Variants in RBMS1 observed in about 807,000 individuals in gnomAD.
RBMS1 encodes the protein RNA-binding motif, single-stranded-interacting protein 1.
A neutral mutation model predicts 62.3 loss-of-function variants in RBMS1; 17 were observed. That is an observed-to-expected ratio of 0.27 (90% CI 0.19 to 0.41). RBMS1 has a LOEUF of 0.41. Ranked by LOEUF, RBMS1 falls within the 10% of genes least tolerant of loss-of-function variation. The pLI is 1.00. For synonymous variants in RBMS1, 172 were observed against 170.0 expected (o/e 1.01, Z -0.09); for missense variants, 334 against 504.5 (o/e 0.66, Z 3.24).
chr2:160,445,996 CA>C (rs564694189), intron 1 of RBMS1, among the ~76,000 whole-genome samples: 1,519 of 143,144 alleles, frequency 0.011, 9 homozygotes, highest in Middle Eastern at 0.05. Flanking sequence ...CCATCAGCTC[CA>C]AAAAAAAAAA....
chr2:160,278,658 C>T lies in RBMS1; in HGVS notation c.952G>A (p.Gly318Ser), dbSNP rs1202184484. 1 of 1,604,218 alleles carries T rather than the reference C, an allele frequency of 6.2e-7. No homozygotes were observed. The highest frequency in any genetic ancestry group is 1.1e-5 in the South Asian group (1 of 89,922). The change falls in exon 11 of 14, where the codon GGT becomes AGT. Residue 318 changes from glycine (G) to serine (S), a missense_variant and splice_region_variant. Physicochemically the swap from Gly to Ser is moderately conservative, Grantham distance 56 (BLOSUM62 0). This residue lies in a region of RBMS1 where 182 missense variants were observed against 257.7 expected (regional missense o/e 0.71). Transcript: ENST00000348849. ...TCCATTGAGGGAGTTAACACGGCAC[C>T]CTGGGGAGTTGGAGACAGGAGCAAA... ...QPQPYILQHP[G>S]AVLTPSMEHT... is the part of the protein sequence containing the mutation.
intron 2 of RBMS1, among the ~76,000 whole-genome samples, chr2:160,350,722 A>AT (rs1170924646): frequency 2.6e-5 from 4 of 152,146 alleles, no homozygotes; most frequent in Non-Finnish European, 5.9e-5. Context: ...CATGGTGTAT[A>AT]TGTGCCACAT....
chr2:160,401,513 A>G (rs1324239761), intron 1 of RBMS1, among the ~76,000 whole-genome samples: 1 of 152,188 alleles, frequency 6.6e-6, no homozygotes, highest in Admixed American at 6.5e-5. Flanking sequence ...AGATTTTAGA[A>G]TGTGTTAAGC....
At chr2:160,480,292 G>A (rs991211625) in intron 1 of RBMS1, among the ~76,000 whole-genome samples, 4 of 152,110 alleles carry the variant, frequency 2.6e-5, no homozygotes, top group Non-Finnish European at 5.9e-5. Flanking sequence ...GGGAAATACA[G>A]TTATATTTTG....
chr2:160,396,094 G>A (rs1235253692), intron 1 of RBMS1, among the ~76,000 whole-genome samples: 2 of 152,174 alleles, frequency 1.3e-5, no homozygotes, highest in Admixed American at 1.3e-4. Context: ...GACCCAGAAA[G>A]TTTAAGAAAT....
chr2:160,449,920 C>G (rs577914431), intron 1 of RBMS1, among the ~76,000 whole-genome samples: 1 of 152,254 alleles, frequency 6.6e-6, no homozygotes, highest in African/African-American at 2.4e-5. Flanking sequence ...AAGCTCATTT[C>G]TCATTTTCAG....
intron 4 of RBMS1, among the ~76,000 whole-genome samples, chr2:160,305,275 G>A (rs1317546822): frequency 6.6e-6 from 1 of 152,190 alleles, no homozygotes; most frequent in Non-Finnish European, 1.5e-5. Context: ...CTCATCCAGA[G>A]CAACTTCCAG....
At chr2:160,385,829 G>C (rs113074749) in intron 1 of RBMS1, among the ~76,000 whole-genome samples, 137 of 152,256 alleles carry the variant, frequency 9.0e-4, no homozygotes, top group African/African-American at 3.1e-3. Flanking sequence ...CTCTATCTAT[G>C]TACCACATGA....
intron 6 of RBMS1, among the ~76,000 whole-genome samples, chr2:160,292,400 C>A (rs1688728200): frequency 1.3e-5 from 2 of 152,190 alleles, no homozygotes; most frequent in Admixed American, 1.3e-4. Flanking sequence ...TGAATTATGG[C>A]TCCTCCTCTT....
chr2:160,410,221 C>CAAAAA (rs575199475), intron 1 of RBMS1, among the ~76,000 whole-genome samples: 7 of 68,018 alleles, frequency 1.0e-4, no homozygotes, highest in Non-Finnish European at 1.3e-4. Context: ...GACCCCGTCT[C>CAAAAA]AAAAAAAAAA....
chr2:160,324,676 G>C (rs1007857282), intron 2 of RBMS1, among the ~76,000 whole-genome samples: 1 of 151,748 alleles, frequency 6.6e-6, no homozygotes, highest in Non-Finnish European at 1.5e-5. Context: ...CGTAAAAGAC[G>C]CTGTGCCTAT....
chr2:160,395,497 G>A lies in RBMS1; in HGVS notation c.76-28106C>T, dbSNP rs559933974. Among the ~76,000 whole-genome samples the A allele has an allele frequency of 3.3e-3, 509 of 152,124 alleles. 3 individuals carry two copies. The highest frequency in any genetic ancestry group is 0.012 in the African/African-American group (489 of 41,504). ...AAATTAGCCGGGCGTGGTGGCGGGCGCCTGCAGTCCTAGCTACTTGGGAGG... is the reference window on the plus strand; with the variant it reads ...AAATTAGCCGGGCGTGGTGGCGGGCACCTGCAGTCCTAGCTACTTGGGAGG... On this transcript the variant is annotated intron_variant, in intron 1 of 13. Transcript: ENST00000348849.
At chr2:160,298,227 A>G (rs1397905122) in intron 6 of RBMS1, among the ~76,000 whole-genome samples, 1 of 152,120 alleles carries the variant, frequency 6.6e-6, no homozygotes, top group Admixed American at 6.5e-5. Context: ...CTGGGTTTCT[A>G]GCTTGGGAGT....
intron 2 of RBMS1, among the ~76,000 whole-genome samples, chr2:160,360,820 A>G (rs1018213981): frequency 7.2e-5 from 11 of 152,210 alleles, no homozygotes; most frequent in Admixed American, 5.2e-4. Flanking sequence ...TGATGATAAT[A>G]CTATCCTGTC....
chr2:160,413,827 C>T (rs1696116245), intron 1 of RBMS1, among the ~76,000 whole-genome samples: 2 of 152,178 alleles, frequency 1.3e-5, no homozygotes, highest in African/African-American at 4.8e-5. Flanking sequence ...TCCCATTTTA[C>T]CAAAGAGAAA....
intron 1 of RBMS1, among the ~76,000 whole-genome samples, chr2:160,425,453 C>T (rs1434595905): frequency 3.3e-5 from 5 of 152,070 alleles, no homozygotes; most frequent in African/African-American, 4.8e-5. Context: ...TCAGTGTTTA[C>T]AGGGAGTCTA....
Position 160,345,621 on chromosome 2 carries a change from T to C in RBMS1, c.251+21595A>G, listed in dbSNP as rs114966638. ...CTGTTTCTAAACTGACTCCAAGTCA[T>C]ATGCTTTGTCTTTTACTTATTCTTT... On this transcript the variant is annotated intron_variant, in intron 2 of 13. Coordinates refer to ENST00000348849, the MANE Select transcript of RBMS1 (RefSeq NM_016836.4). Among the ~76,000 whole-genome samples the C allele has an allele frequency of 5.7e-3, 866 of 152,290 alleles. 11 individuals carry two copies. Among genetic ancestry groups the C allele is most frequent in the African/African-American group, 0.02 (838 of 41,570 alleles).
At chr2:160,490,594 T>G (rs1370377504) in intron 1 of RBMS1, among the ~76,000 whole-genome samples, 1 of 152,184 alleles carries the variant, frequency 6.6e-6, no homozygotes, top group East Asian at 1.9e-4. Flanking sequence ...GTAACTAGTA[T>G]GTTTTTATGG....
chr2:160,313,075 A>G, intron 4 of RBMS1, 81 bp downstream of exon 4: 1 of 1,337,960 alleles, frequency 7.5e-7, no homozygotes, highest in Non-Finnish European at 1.1e-6. Context: ...GAGATTACAG[A>G]TGCAGATAGA....
Sources: gnomAD v4.1 joint callset for allele counts (sites outside exome capture counted in the v4.1 genomes callset) on GRCh38, gnomAD v4.1.1 for gene constraint, gnomAD v4.1.1 regional missense constraint, MANE v1.5 for transcripts, NCBI Gene and HGNC (gene_info 2026-07-23, HGNC 2026-07-21) for gene names.